Variants in SLC27A2 observed in about 807,000 individuals in gnomAD.
SLC27A2 encodes the protein solute carrier family 27 member 2, also known as long-chain fatty acid transport protein 2.
SLC27A2 carries 54 observed loss-of-function variants against 60.0 expected under a neutral mutation model. The observed-to-expected ratio is 0.90, with a 90% CI of 0.72 to 1.13. The LOEUF (loss-of-function observed/expected upper bound fraction) is 1.13. Ranked by LOEUF, SLC27A2 falls within the 50% of genes most tolerant of loss-of-function variation. The pLI is 0.00. For synonymous variants in SLC27A2, 297 were observed against 297.6 expected, an observed-to-expected ratio of 1.00 and a Z score of 0.02; for missense variants, 739 against 777.6, an observed-to-expected ratio of 0.95 and a Z score of 0.59.
chr15:50,199,725 T>G (rs2045050318), intron 2 of SLC27A2, among the ~76,000 whole-genome samples: 1 of 151,904 alleles, frequency 6.6e-6, no homozygotes, highest in Non-Finnish European at 1.5e-5. Context: ...GCCCAGGAGT[T>G]TGAGACCAGG....
chr15:50,233,908 A>G lies in SLC27A2; in HGVS notation c.1596A>G (p.Lys532=). The G allele has an allele frequency of 6.2e-7, 1 of 1,613,958 alleles. No homozygotes were observed. Among genetic ancestry groups the G allele is most frequent in the Non-Finnish European group, 8.5e-7 (1 of 1,179,888 alleles). ...GRIGMASIKM[K]ENHEFDGKKL... ...TTGGCATGGCCTCCATCAAAATGAA[A>G]GAAAACCATGAATTTGATGGAAAGA... The change falls in exon 9 of 10, where the codon AAA becomes AAG. Residue 532 remains lysine, a synonymous_variant. Transcript: ENST00000267842.
intron 5 of SLC27A2, 150 bp downstream of exon 5, chr15:50,223,309 T>C (rs896716397): frequency 1.3e-5 from 7 of 546,538 alleles, no homozygotes; most frequent in African/African-American, 1.2e-4. Context: ...GCTCATTCTC[T>C]GTGATGATGA....
chr15:50,224,934 T>C (rs2045269094), intron 5 of SLC27A2, among the ~76,000 whole-genome samples: 1 of 152,220 alleles, frequency 6.6e-6, no homozygotes, highest in Admixed American at 6.5e-5. Flanking sequence ...ATATTACCCA[T>C]TCTTTACTTT....
At chr15:50,189,321 C>T (rs181322342) in intron 1 of SLC27A2, among the ~76,000 whole-genome samples, 95 of 152,068 alleles carry the variant, frequency 6.2e-4, no homozygotes, top group African/African-American at 2.2e-3. Flanking sequence ...GGTAGGACAG[C>T]GGTGCTCTCC....
intron 1 of SLC27A2, among the ~76,000 whole-genome samples, chr15:50,185,286 A>G (rs2044911508): frequency 6.6e-6 from 1 of 152,218 alleles, no homozygotes; most frequent in African/African-American, 2.4e-5. Flanking sequence ...CTCAAACGTG[A>G]ACCAGACTTT....
intron 3 of SLC27A2, among the ~76,000 whole-genome samples, chr15:50,204,835 G>A (rs1389445167): frequency 6.9e-6 from 1 of 145,862 alleles, no homozygotes; most frequent in Non-Finnish European, 1.5e-5. Flanking sequence ...ATATGTATGT[G>A]TGTGTATATA....
chr15:50,224,079 CAG>C (rs1248143615), intron 5 of SLC27A2, among the ~76,000 whole-genome samples: 4 of 152,178 alleles, frequency 2.6e-5, no homozygotes, highest in Non-Finnish European at 5.9e-5. Flanking sequence ...ATCTGTAAAA[CAG>C]AGATAACAAG....
intron 5 of SLC27A2, among the ~76,000 whole-genome samples, chr15:50,224,587 C>G (rs17416283): frequency 2.0e-5 from 3 of 152,142 alleles, no homozygotes; most frequent in Non-Finnish European, 4.4e-5. Context: ...AAGGTGTTCC[C>G]AAGTTCAAGG....
At chr15:50,220,364 G>T (rs16963418) in intron 4 of SLC27A2, among the ~76,000 whole-genome samples, 3,203 of 152,300 alleles carry the variant, frequency 0.021, 103 homozygotes, top group African/African-American at 0.074. Context: ...CAAAGCACAG[G>T]TCCAGGCACT....
At chr15:50,199,360 G>GCTA (rs1486397903) in intron 2 of SLC27A2, among the ~76,000 whole-genome samples, 3 of 151,824 alleles carry the variant, frequency 2.0e-5, no homozygotes, top group Non-Finnish European at 4.4e-5. Context: ...TGTAGTCCCA[G>GCTA]CTACTCAGGA....
chr15:50,194,345 A>G (rs1234335306), intron 1 of SLC27A2, among the ~76,000 whole-genome samples: 1 of 152,124 alleles, frequency 6.6e-6, no homozygotes, highest in Non-Finnish European at 1.5e-5. Context: ...GTGAGAGACC[A>G]TGAAACAACC....
intron 3 of SLC27A2, among the ~76,000 whole-genome samples, chr15:50,203,644 A>G (rs1255074442): frequency 2.0e-5 from 3 of 152,154 alleles, no homozygotes; most frequent in Non-Finnish European, 4.4e-5. Flanking sequence ...ATACACACAC[A>G]TATATGCGTG....
intron 4 of SLC27A2, among the ~76,000 whole-genome samples, chr15:50,220,932 G>A (rs1360491768): frequency 2.0e-5 from 3 of 152,236 alleles, no homozygotes; most frequent in Non-Finnish European, 4.4e-5. Flanking sequence ...GCTGGGCACA[G>A]TGGCTCATGC....
intron 4 of SLC27A2, among the ~76,000 whole-genome samples, chr15:50,208,241 A>G (rs2045128335): frequency 6.6e-6 from 1 of 152,184 alleles, no homozygotes; most frequent in Admixed American, 6.5e-5. Context: ...CCCTCTTCTT[A>G]ACCATATTCA....
intron 1 of SLC27A2, among the ~76,000 whole-genome samples, chr15:50,196,091 T>A (rs1193041118): frequency 0.07 from 433 of 6,216 alleles, 48 homozygotes; most frequent in Admixed American, 0.091. Flanking sequence ...TATATATATA[T>A]ATATATATAT....
chr15:50,233,868 A>G lies in SLC27A2; in HGVS notation c.1556A>G (p.Asp519Gly), dbSNP rs764040873. ...EVNVYGVHVP[D>G]HEGRIGMASI... ...TAATTTTTTCTCACTTTATTTCTAG[A>G]TCATGAGGGTCGCATTGGCATGGCC... The change falls in exon 9 of 10, where the codon GAT becomes GGT. Residue 519 changes from aspartate to glycine, a missense_variant and splice_region_variant. Asp to Gly is a moderately conservative substitution (Grantham distance 94). Coordinates refer to ENST00000267842, the MANE Select transcript of SLC27A2 (RefSeq NM_003645.4). 2.5e-6 allele frequency: 4 copies of G among 1,610,682 alleles called. No homozygotes were observed. The South Asian group carries it at 4.4e-5, about 18-fold the overall frequency.
chr15:50,210,187 G>C (rs758488684), intron 4 of SLC27A2, among the ~76,000 whole-genome samples: 28 of 152,204 alleles, frequency 1.8e-4, no homozygotes, highest in Non-Finnish European at 3.5e-4. Flanking sequence ...AGCAGCATGA[G>C]AGGCTCACAT....
At chr15:50,204,839 G>GTA (rs1186934738) in intron 3 of SLC27A2, among the ~76,000 whole-genome samples, 1 of 145,072 alleles carries the variant, frequency 6.9e-6, no homozygotes. Flanking sequence ...GTATGTGTGT[G>GTA]TATATATATG....
chr15:50,211,835 G>A (rs1171067864), intron 4 of SLC27A2, among the ~76,000 whole-genome samples: 3 of 152,180 alleles, frequency 2.0e-5, no homozygotes, highest in African/African-American at 7.2e-5. Context: ...ACTTTGGGAG[G>A]CTGAGGCAGG....
Sources: allele counts gnomAD v4.1 joint callset (sites outside exome capture counted in the v4.1 genomes callset), GRCh38; gene constraint gnomAD v4.1.1; transcripts MANE v1.5; gene names NCBI Gene and HGNC (gene_info 2026-07-23, HGNC 2026-07-21).